DHRSX: variants seen among roughly 807,000 people sequenced by gnomAD.
DHRSX encodes the protein polyprenol dehydrogenase.
Under a neutral mutation model 34.0 loss-of-function variants are expected in DHRSX, and 31 were observed. The observed-to-expected ratio is 0.91, with a 90% CI of 0.69 to 1.23. DHRSX has a LOEUF of 1.23. Among genes scored for constraint, DHRSX ranks in the 50% most tolerant of loss-of-function variants. The pLI is 0.00. For missense variants in DHRSX, 414 were observed against 428.1 expected (o/e 0.97, Z 0.29); for synonymous variants, 201 against 183.8 (o/e 1.09, Z -0.76).
At chrX:2,229,579 G>T (rs779036365) in intron 6 of DHRSX, among the ~76,000 whole-genome samples, 1 of 151,932 alleles carries the variant, frequency 6.6e-6, no homozygotes, top group African/African-American at 2.4e-5. Context: ...TGTGTGCACA[G>T]ATATGCATAG....
At chrX:2,389,786 T>C (rs889184804) in intron 3 of DHRSX, among the ~76,000 whole-genome samples, 1 of 152,322 alleles carries the variant, frequency 6.6e-6, no homozygotes, top group East Asian at 1.9e-4. Flanking sequence ...ATTTTATTTT[T>C]TTTTTATTGT....
At chrX:2,432,130 C>T (rs374505993) in intron 1 of DHRSX, among the ~76,000 whole-genome samples, 1 of 151,892 alleles carries the variant, frequency 6.6e-6, no homozygotes, top group Non-Finnish European at 1.5e-5. Flanking sequence ...GGAGGTGGAG[C>T]TTGCAGTGAG....
intron 3 of DHRSX, among the ~76,000 whole-genome samples, chrX:2,397,930 GCACACA>G (rs111697078): frequency 1.4e-5 from 2 of 138,430 alleles, no homozygotes; most frequent in Non-Finnish European, 3.1e-5. Context: ...CTCAGAGCGC[GCACACA>G]CACACACACA....
chrX:2,243,605 GCCTC>G (rs2016195914), intron 5 of DHRSX, among the ~76,000 whole-genome samples: 1 of 151,594 alleles, frequency 6.6e-6, no homozygotes, highest in African/African-American at 2.4e-5. Context: ...TCCTACCTCA[GCCTC>G]CCCAGTAGCT....
intron 3 of DHRSX, among the ~76,000 whole-genome samples, chrX:2,376,536 A>T (rs1271938919): frequency 7.3e-6 from 1 of 137,484 alleles, no homozygotes; most frequent in African/African-American, 2.5e-5. Context: ...AGATGTGTCC[A>T]CCCAGAACCT....
intron 4 of DHRSX, among the ~76,000 whole-genome samples, chrX:2,290,383 C>T (rs1382941269): frequency 6.6e-6 from 1 of 152,154 alleles, no homozygotes; most frequent in African/African-American, 2.4e-5. Context: ...TGCTTTCTCC[C>T]TCCTTACAGA....
intron 1 of DHRSX, among the ~76,000 whole-genome samples, chrX:2,493,785 C>T (rs893443814): frequency 6.6e-6 from 1 of 152,074 alleles, no homozygotes; most frequent in South Asian, 2.1e-4. Context: ...CCCTGGACAA[C>T]ATGGTGAAAC....
intron 3 of DHRSX, among the ~76,000 whole-genome samples, chrX:2,349,228 C>T (rs1485155573): frequency 6.6e-6 from 1 of 151,986 alleles, no homozygotes; most frequent in African/African-American, 2.4e-5. Flanking sequence ...TTCACAATCA[C>T]CAAGATATGG....
At chrX:2,338,162 G>A (rs62583716) in intron 3 of DHRSX, among the ~76,000 whole-genome samples, 42,878 of 150,764 alleles carry the variant, frequency 0.28, 7,657 homozygotes, top group African/African-American at 0.5. Context: ...GTGAAACCCC[G>A]TCTCTACTAA....
intron 1 of DHRSX, among the ~76,000 whole-genome samples, chrX:2,473,693 G>C (rs1000352335): frequency 1.4e-5 from 2 of 139,364 alleles, no homozygotes; most frequent in Admixed American, 6.9e-5. Flanking sequence ...CTTCCACCCC[G>C]GGCCCCGGAA....
intron 1 of DHRSX, chrX:2,487,700 A>G (rs17842876): frequency 0.31 from 47,721 of 151,938 alleles, 8,019 homozygotes; most frequent in African/African-American, 0.42. Context: ...CTCTGGCAGC[A>G]ACCTGTCGAA....
chrX:2,419,924 A>T (rs1351490328), intron 2 of DHRSX, among the ~76,000 whole-genome samples: 2 of 152,138 alleles, frequency 1.3e-5, no homozygotes, highest in African/African-American at 2.4e-5. Context: ...CATATGTAAC[A>T]AACCTGCACG....
intron 4 of DHRSX, among the ~76,000 whole-genome samples, chrX:2,274,352 A>AT (rs754646157): frequency 6.8e-6 from 1 of 147,434 alleles, no homozygotes; most frequent in Non-Finnish European, 1.5e-5. Context: ...TAATATTATT[A>AT]TTTTTTTGGA....
chrX:2,463,064 G>A (rs1419010779), intron 1 of DHRSX, among the ~76,000 whole-genome samples: 1 of 152,128 alleles, frequency 6.6e-6, no homozygotes, highest in Non-Finnish European at 1.5e-5. Context: ...AAAATGCGTC[G>A]TCTATGAACC....
At chrX:2,227,096 C>G (rs2015683198) in intron 6 of DHRSX, among the ~76,000 whole-genome samples, 1 of 152,056 alleles carries the variant, frequency 6.6e-6, no homozygotes, top group Non-Finnish European at 1.5e-5. Context: ...CACCCTGCAC[C>G]TGCACCCCAG....
intron 3 of DHRSX, among the ~76,000 whole-genome samples, chrX:2,379,428 C>T (rs1387836199): frequency 6.6e-6 from 1 of 152,002 alleles, no homozygotes; most frequent in Non-Finnish European, 1.5e-5. Flanking sequence ...TTAATCTGAG[C>T]CTGCCTGAGT....
chrX:2,405,135 G>C (rs1168016580), intron 3 of DHRSX, among the ~76,000 whole-genome samples: 2 of 146,308 alleles, frequency 1.4e-5, no homozygotes, highest in Non-Finnish European at 1.5e-5. Flanking sequence ...GGAGGAGATA[G>C]GGGCATAGGC....
chrX:2,228,509 AAAGG>A (rs1038112534), intron 6 of DHRSX, among the ~76,000 whole-genome samples: 5 of 116,292 alleles, frequency 4.3e-5, no homozygotes, highest in Non-Finnish European at 7.1e-5. Flanking sequence ...AGGAAGGAAA[AAAGG>A]GAGGCAAAAG....
chrX:2,273,382 C>T (rs2041583451), intron 4 of DHRSX, among the ~76,000 whole-genome samples: 1 of 152,086 alleles, frequency 6.6e-6, no homozygotes. Flanking sequence ...AGAGTGGAAT[C>T]GTGTCATTGG....
Sources: allele counts gnomAD v4.1 joint callset (sites outside exome capture counted in the v4.1 genomes callset), GRCh38; gene constraint gnomAD v4.1.1; transcripts MANE v1.5; gene names NCBI Gene and HGNC (gene_info 2026-07-23, HGNC 2026-07-21).